SLC5A4: variants seen among roughly 807,000 people sequenced by gnomAD.
SLC5A4 encodes the protein probable glucose sensor protein SLC5A4.
SLC5A4 carries 55 observed loss-of-function variants against 70.3 expected under a neutral mutation model. That is an observed-to-expected ratio of 0.78 (90% confidence interval 0.63 to 0.98). The LOEUF (loss-of-function observed/expected upper bound fraction) is 0.98. Ranked by LOEUF, SLC5A4 falls within the 50% of genes least tolerant of loss-of-function variation. The pLI, the probability that SLC5A4 is intolerant of heterozygous loss-of-function variation, is 0.00. For missense variants in SLC5A4, 735 were observed against 839.2 expected (o/e 0.88, Z 1.53); for synonymous variants, 268 against 305.7 (o/e 0.88, Z 1.29).
chr22:32,247,787 C>T (rs996009101), intron 4 of SLC5A4, among the ~76,000 whole-genome samples: 1 of 152,228 alleles, frequency 6.6e-6, no homozygotes, highest in Non-Finnish European at 1.5e-5. Flanking sequence ...GCAGATCTCA[C>T]TTTCCCACTG....
chr22:32,336,367 CA>C, the SLC5A4 span, among the ~76,000 whole-genome samples: 1 of 152,234 alleles, frequency 6.6e-6, no homozygotes, highest in Non-Finnish European at 1.5e-5. Flanking sequence ...GTTAATTACT[CA>C]CGCAAGCTGG....
chr22:32,250,620 A>G (rs566831348), intron 3 of SLC5A4, among the ~76,000 whole-genome samples: 1 of 152,336 alleles, frequency 6.6e-6, no homozygotes, highest in Non-Finnish European at 1.5e-5. Context: ...TACCCAAAGG[A>G]TTATAAATCA....
At chr22:32,280,014 GTTGT>G in the SLC5A4 span, among the ~76,000 whole-genome samples, 39 of 152,172 alleles carry the variant, frequency 2.6e-4, no homozygotes, top group East Asian at 3.9e-4. Context: ...TTTTGTTGTT[GTTGT>G]TTGTTTGTTT....
At chr22:32,255,052 T>C (rs1927398389) in intron 1 of SLC5A4, 143 bp downstream of exon 1, 1 of 812,872 alleles carries the variant, frequency 1.2e-6, no homozygotes, top group South Asian at 1.6e-5. Context: ...TTGTAAGCGT[T>C]ATTTATGCAA....
At chr22:32,226,508 G>A (rs1470955614) in intron 11 of SLC5A4, among the ~76,000 whole-genome samples, 1 of 152,142 alleles carries the variant, frequency 6.6e-6, no homozygotes. Context: ...GCAGTTGTGG[G>A]GTGGAGGAAG....
At chr22:32,333,201 C>CCG in the SLC5A4 span, among the ~76,000 whole-genome samples, 1 of 147,294 alleles carries the variant, frequency 6.8e-6, no homozygotes, top group Non-Finnish European at 1.5e-5. Context: ...CTGGCACCCC[C>CCG]CCCCCAGAAG....
chr22:32,268,964 C>T, the SLC5A4 span, among the ~76,000 whole-genome samples: 9 of 151,908 alleles, frequency 5.9e-5, no homozygotes, highest in South Asian at 2.1e-4. Context: ...GGTGTGATCT[C>T]GGCTTACTGC....
At chr22:32,240,070 A>G (rs187780322) in intron 5 of SLC5A4, among the ~76,000 whole-genome samples, 211 of 151,764 alleles carry the variant, frequency 1.4e-3, no homozygotes, top group Non-Finnish European at 2.4e-3. Flanking sequence ...ATAGAATGCA[A>G]CCAAAGAGCA....
the SLC5A4 span, among the ~76,000 whole-genome samples, chr22:32,331,896 G>A: frequency 1.3e-5 from 2 of 152,022 alleles, no homozygotes; most frequent in Admixed American, 1.3e-4. Context: ...GTCTCTCGGG[G>A]CATCTCAAAC....
At chr22:32,281,242 G>A in the SLC5A4 span, among the ~76,000 whole-genome samples, 1 of 152,200 alleles carries the variant, frequency 6.6e-6, no homozygotes, top group Non-Finnish European at 1.5e-5. Flanking sequence ...ATTTTCTGGG[G>A]TGATTCATGG....
chr22:32,317,010 T>C, the SLC5A4 span, among the ~76,000 whole-genome samples: 1 of 151,196 alleles, frequency 6.6e-6, no homozygotes, highest in African/African-American at 2.4e-5. Flanking sequence ...TGAAAGTGCA[T>C]ACACAAAAGT....
At chr22:32,232,858 C>G in intron 9 of SLC5A4, 41 bp downstream of exon 9, 5 of 1,577,398 alleles carry the variant, frequency 3.2e-6, no homozygotes, top group Non-Finnish European at 4.3e-6. Flanking sequence ...TATCAGAATA[C>G]AAGCATAAAA....
At chr22:32,352,827 C>T in the SLC5A4 span, among the ~76,000 whole-genome samples, 2 of 152,238 alleles carry the variant, frequency 1.3e-5, no homozygotes, top group African/African-American at 4.8e-5. Context: ...GGCAGCCAGC[C>T]GCCATCCTAC....
chr22:32,309,991 C>T, the SLC5A4 span, among the ~76,000 whole-genome samples: 1 of 147,176 alleles, frequency 6.8e-6, no homozygotes, highest in East Asian at 2.0e-4. Context: ...GGCAGAGCAG[C>T]AGGACCACAA....
At chr22:32,320,462 C>T in the SLC5A4 span, among the ~76,000 whole-genome samples, 152 of 152,306 alleles carry the variant, frequency 1.0e-3, 2 homozygotes, top group East Asian at 0.023. Flanking sequence ...GTGAAGTCTC[C>T]ATCAGCAGGA....
At chr22:32,319,341 T>G in the SLC5A4 span, among the ~76,000 whole-genome samples, 2 of 152,014 alleles carry the variant, frequency 1.3e-5, no homozygotes, top group African/African-American at 4.8e-5. Context: ...ACACTGGAAC[T>G]CACACCATCA....
At chr22:32,226,079 A>G (rs1432476366) in intron 11 of SLC5A4, among the ~76,000 whole-genome samples, 1 of 152,236 alleles carries the variant, frequency 6.6e-6, no homozygotes, top group African/African-American at 2.4e-5. Context: ...AAATAGTTAA[A>G]ATATCAGTGA....
At chr22:32,308,061 C>T in the SLC5A4 span, among the ~76,000 whole-genome samples, 2 of 152,054 alleles carry the variant, frequency 1.3e-5, no homozygotes, top group East Asian at 1.9e-4. Context: ...TCTGTTATTC[C>T]TTCCTTCCTT....
At chr22:32,306,549 T>C in the SLC5A4 span, among the ~76,000 whole-genome samples, 1 of 151,722 alleles carries the variant, frequency 6.6e-6, no homozygotes, top group Admixed American at 6.6e-5. Context: ...TACACTCCAG[T>C]ATTATTAGGA....
Sources: allele counts gnomAD v4.1 joint callset (sites outside exome capture counted in the v4.1 genomes callset), GRCh38; gene constraint gnomAD v4.1.1; transcripts MANE v1.5; gene names NCBI Gene and HGNC (gene_info 2026-07-23, HGNC 2026-07-21).